Variants in CD4 observed in about 807,000 individuals in gnomAD.
CD4 encodes the protein CD4 molecule, also known as T-cell surface glycoprotein CD4.
CD4 carries 25 observed loss-of-function variants against 50.5 expected under a neutral mutation model. The observed-to-expected ratio is 0.49, with a 90% CI of 0.36 to 0.69. The LOEUF (loss-of-function observed/expected upper bound fraction) is 0.69. Ranked by LOEUF, CD4 falls within the 30% of genes least tolerant of loss-of-function variation. The pLI is 0.00. For missense variants in CD4, 456 were observed against 548.5 expected (o/e 0.83, Z 1.68); for synonymous variants, 207 against 221.9 (o/e 0.93, Z 0.60).
intron 3 of CD4, among the ~76,000 whole-genome samples, chr12:6,810,289 T>C (rs781845531): frequency 6.4e-4 from 98 of 152,260 alleles, no homozygotes; most frequent in Non-Finnish European, 1.3e-3. Flanking sequence ...TATCTTGCCA[T>C]AGCTTTTTCA....
Position 6,815,608 on chromosome 12 carries a change from GA to G in CD4, c.608-447del, listed in dbSNP as rs1428435167. 5 of 725,326 alleles carry G rather than the reference GA, an allele frequency of 6.9e-6. No individual in the cohort carries two copies. In the African/African-American group the frequency reaches 9.1e-5, roughly 13 times the overall value. The allele number at this position is 725,326 out of a possible 1,614,324, so 44.9% of individuals were successfully genotyped here. ...TTGGTTTCAGCCTCTGTGAAATGGG[GA>G]TGATGTTAACTGCCATAGTGACTAC... On this transcript the variant is annotated intron_variant, in intron 5 of 9. Coordinates refer to ENST00000011653, the MANE Select transcript of CD4 (RefSeq NM_000616.5).
intron 3 of CD4, among the ~76,000 whole-genome samples, chr12:6,803,555 C>A (rs1246473818): frequency 2.0e-5 from 3 of 147,032 alleles, no homozygotes; most frequent in African/African-American, 7.5e-5. Flanking sequence ...GAGGCTGTGG[C>A]AGGCGGATCA....
rs185269925 is a variant in CD4, at chr12:6,792,088, T to G, written c.-68+2426T>G. Among the ~76,000 whole-genome samples the G allele has an allele frequency of 5.9e-5, 9 of 151,956 alleles. No individual in the cohort carries two copies. The highest frequency in any genetic ancestry group is 2.1e-4 in the South Asian group (1 of 4,814). Reference sequence around the variant, plus strand: ...CAAGAGTTCCTTAGAGGGGTCACAGTCTCTAGGAAGTTTATAGGAAGCTAG... The same window carrying G: ...CAAGAGTTCCTTAGAGGGGTCACAGGCTCTAGGAAGTTTATAGGAAGCTAG... On this transcript the variant is annotated intron_variant, in intron 1 of 9. Coordinates refer to ENST00000011653, the MANE Select transcript of CD4 (RefSeq NM_000616.5). This position sits in a 1 kb window ranked among gnomAD's most constrained non-coding sequence, Gnocchi z 4.1.
In CD4 at chr12:6,814,122, C is replaced by A. The variant is rs181002139; in HGVS notation, c.215-20C>A. On this transcript the variant is annotated intron_variant, in intron 3 of 9. Coordinates refer to ENST00000011653, the MANE Select transcript of CD4 (RefSeq NM_000616.5). Reference sequence around the variant, plus strand: ...TCTCCAGGGCGCCTCAGTCCCCCCCCATATGTCTTCTGCTCCCAGGTCCAT... The same window carrying A: ...TCTCCAGGGCGCCTCAGTCCCCCCCAATATGTCTTCTGCTCCCAGGTCCAT... 17 of 1,611,464 alleles carry A rather than the reference C, an allele frequency of 1.1e-5. No homozygotes were observed. Among genetic ancestry groups the A allele is most frequent in the African/African-American group, 4.0e-5 (3 of 74,794 alleles).
chr12:6,811,612 C>G (rs1942941667), intron 3 of CD4, among the ~76,000 whole-genome samples: 1 of 150,788 alleles, frequency 6.6e-6, no homozygotes, highest in Admixed American at 6.6e-5. Flanking sequence ...CCTCCCTCAG[C>G]CTCCCAAGTA....
chr12:6,798,327 G>A (rs1220635762), intron 1 of CD4, among the ~76,000 whole-genome samples: 1 of 133,360 alleles, frequency 7.5e-6, no homozygotes, highest in Non-Finnish European at 1.7e-5. Context: ...CCGCCACCAC[G>A]CCCGGCTAAT....
In CD4 at chr12:6,819,448, T is replaced by C; in HGVS notation, c.*119T>C. The C allele has an allele frequency of 4.3e-6, 4 of 940,896 alleles. No individual in the cohort carries two copies. Among genetic ancestry groups the C allele is most frequent in the Non-Finnish European group, 6.9e-6 (4 of 579,410 alleles). The allele number at this position is 940,896 out of a possible 1,614,324, so 58.3% of individuals were successfully genotyped here. A position where few individuals can be genotyped will look rare whatever the true frequency, so the allele number is the denominator to read the frequency against. On this transcript the variant is annotated 3_prime_UTR_variant, in exon 10 of 10. Transcript: ENST00000011653. Reference sequence around the variant, plus strand: ...CCTCTGGCCTCCTGTTCGCCTCCTCTACAATTTGCCATTGTTTCTCCTGGG... The same window carrying C: ...CCTCTGGCCTCCTGTTCGCCTCCTCCACAATTTGCCATTGTTTCTCCTGGG...
rs182719317 is a variant in CD4, at chr12:6,807,270, C to T, written c.214+6799C>T. 2.3e-3 allele frequency among the ~76,000 whole-genome samples: 351 copies of T among 152,340 alleles called. 2 individuals are homozygous for T. The highest frequency in any genetic ancestry group is 8.1e-3 in the African/African-American group (338 of 41,584). On this transcript the variant is annotated intron_variant, in intron 3 of 9. Coordinates refer to ENST00000011653, the MANE Select transcript of CD4 (RefSeq NM_000616.5). Reference sequence around the variant, plus strand: ...TGAAGACTTATGCCCACACAAAAAGCTGCACACAAATGTTCATAGCAGCTT... The same window carrying T: ...TGAAGACTTATGCCCACACAAAAAGTTGCACACAAATGTTCATAGCAGCTT...
In CD4 at chr12:6,804,788, G is replaced by A. The variant is rs192004238; in HGVS notation, c.214+4317G>A. 5.7e-3 allele frequency among the ~76,000 whole-genome samples: 861 copies of A among 151,918 alleles called. 11 individuals are homozygous for A. The highest frequency in any genetic ancestry group is 0.027 in the Middle Eastern group (8 of 294). ...CCCCAACACTTTGGGAGGCTGAGGCGGGCGGATCATGAGGTCAGGAGATCG... is the reference window on the plus strand; with the variant it reads ...CCCCAACACTTTGGGAGGCTGAGGCAGGCGGATCATGAGGTCAGGAGATCG... On this transcript the variant is annotated intron_variant, in intron 3 of 9. Coordinates refer to ENST00000011653, the MANE Select transcript of CD4 (RefSeq NM_000616.5).
At chr12:6,817,925 G>A (rs782064062) in intron 7 of CD4, among the ~76,000 whole-genome samples, 5 of 150,642 alleles carry the variant, frequency 3.3e-5, no homozygotes, top group South Asian at 4.2e-4. Flanking sequence ...TGTCGTACAC[G>A]TACACTCACA....
rs1942509499 is a variant in CD4 at position 6,800,403 on chromosome 12, T to C, written c.146T>C (p.Ile49Thr). The part of the protein sequence containing the change: ...LTCTASQKKS[I>T]QFHWKNSNQI... ...TGTACAGCTTCCCAGAAGAAGAGCA[T>C]ACAATTCCACTGGAAAAACTCCAAC... The change falls in exon 3 of 10, where the codon ATA becomes ACA. Residue 49 changes from isoleucine (I) to threonine (T), a missense_variant. Coordinates refer to ENST00000011653, the MANE Select transcript of CD4 (RefSeq NM_000616.5). 6.2e-7 allele frequency: 1 copy of C among 1,613,932 alleles called. No homozygotes were observed. The highest frequency in any genetic ancestry group is 8.5e-7 in the Non-Finnish European group (1 of 1,179,960).
Position 6,792,915 on chromosome 12 carries a change from A to T in CD4, c.-68+3253A>T, listed in dbSNP as rs1942208269. Reference sequence around the variant, plus strand: ...TGGGGGCATAAGCTGGGGGCTGGGAAGCATAGATACAGAAATGCACAGATG... The same window carrying T: ...TGGGGGCATAAGCTGGGGGCTGGGATGCATAGATACAGAAATGCACAGATG... On this transcript the variant is annotated intron_variant, in intron 1 of 9. Transcript: ENST00000011653. The surrounding 1 kb of genome is among the most constrained non-coding windows in gnomAD (Gnocchi z 4.1). Among the ~76,000 whole-genome samples, 1 of 152,112 alleles carries T rather than the reference A, an allele frequency of 6.6e-6. No individual in the cohort carries two copies. Among genetic ancestry groups the T allele is most frequent in the Admixed American group, 6.6e-5 (1 of 15,260 alleles).
At chr12:6,798,153 A>G (rs1296754338) in intron 1 of CD4, among the ~76,000 whole-genome samples, 2 of 150,658 alleles carry the variant, frequency 1.3e-5, no homozygotes, top group Non-Finnish European at 3.0e-5. Context: ...CACCAAGCAC[A>G]CTGCCTGCAA....
intron 3 of CD4, among the ~76,000 whole-genome samples, chr12:6,806,655 A>C (rs1555116222): frequency 6.6e-6 from 1 of 152,232 alleles, no homozygotes; most frequent in African/African-American, 2.4e-5. Context: ...CAGTTGGCAA[A>C]TAAGCACATG....
chr12:6,813,935 T>A (rs11064415), intron 3 of CD4: 36,247 of 480,092 alleles, frequency 0.076, 2,751 homozygotes, highest in African/African-American at 0.24. Flanking sequence ...AGGATATGAT[T>A]TTATTTGTAT....
rs202053778 is a variant in CD4, at chr12:6,818,368, C to T, written c.1157-53C>T. The T allele has an allele frequency of 6.2e-7, 1 of 1,603,348 alleles. No individual in the cohort carries two copies. Among genetic ancestry groups the T allele is most frequent in the Non-Finnish European group, 8.5e-7 (1 of 1,177,170 alleles). ...GAGGGATTGCAGGGCAGTCCTCAGT[C>T]CCCTGGCCCGTGGAGGAGGGCGGTG... On this transcript the variant is annotated intron_variant, in intron 7 of 9. Coordinates refer to ENST00000011653, the MANE Select transcript of CD4 (RefSeq NM_000616.5). This position sits in a 1 kb window ranked among gnomAD's most constrained non-coding sequence, Gnocchi z 5.0.
At position 6,816,356 on chromosome 12, in the gene CD4, C is replaced by G. The variant is rs201789399; in HGVS notation, c.908C>G (p.Ala303Gly). ...GGAAACCTCACCCTGGCCCTTGAAG[C>G]GAAAACAGGAAAGTTGCATCAGGAA... ...GSGNLTLALE[A>G]KTGKLHQEVN... The change falls in exon 6 of 10, where the codon GCG becomes GGG. Residue 303 changes from alanine (A) to glycine (G), a missense_variant. Transcript: ENST00000011653. This position sits in a 1 kb window ranked among gnomAD's most constrained non-coding sequence, Gnocchi z 4.9. 3 of 1,614,044 alleles carry G rather than the reference C, an allele frequency of 1.9e-6. No homozygotes were observed. The highest frequency in any genetic ancestry group is 1.3e-5 in the African/African-American group (1 of 74,926).
chr12:6,815,924 T>A, intron 5 of CD4, 132 bp from the exon 6 acceptor site: 2 of 1,523,168 alleles, frequency 1.3e-6, no homozygotes, highest in Non-Finnish European at 1.8e-6. Context: ...CTGAAGTATC[T>A]GAAGTGACAA....
At chr12:6,795,337 A>G (rs1942347024) in intron 1 of CD4, among the ~76,000 whole-genome samples, 1 of 151,982 alleles carries the variant, frequency 6.6e-6, no homozygotes, top group Non-Finnish European at 1.5e-5. Flanking sequence ...TCAAGCACCT[A>G]CCACGTATTA....
Sources: gnomAD v4.1 joint callset for allele counts (sites outside exome capture counted in the v4.1 genomes callset) on GRCh38, gnomAD v4.1.1 for gene constraint, Gnocchi (gnomAD v3.1) non-coding constraint, MANE v1.5 for transcripts, NCBI Gene and HGNC (gene_info 2026-07-23, HGNC 2026-07-21) for gene names.